Variants in ACTR3C observed in about 807,000 individuals in gnomAD.
The protein encoded by ACTR3C is actin related protein 3C, also known as actin-related protein 3C.
A neutral mutation model predicts 26.3 loss-of-function variants in ACTR3C; 18 were observed. That is an observed-to-expected ratio of 0.68 (90% CI 0.47 to 1.01). The LOEUF (loss-of-function observed/expected upper bound fraction) is 1.01. Among genes scored for constraint, ACTR3C ranks in the 50% least tolerant of loss-of-function variants. The probability of loss-of-function intolerance (pLI) is 0.00; values close to 1 mark genes in which losing one functional copy is unlikely to be tolerated. For missense variants in ACTR3C, 184 were observed against 250.7 expected (o/e 0.73, Z 1.80); for synonymous variants, 55 against 94.5 (o/e 0.58, Z 2.42).
At chr7:149,973,379 C>T in the ACTR3C span, among the ~76,000 whole-genome samples, 1 of 152,198 alleles carries the variant, frequency 6.6e-6, no homozygotes, top group Non-Finnish European at 1.5e-5. Flanking sequence ...TGAAATACCA[C>T]TTATTATTAC....
chr7:149,940,589 C>G, the ACTR3C span, among the ~76,000 whole-genome samples: 4 of 152,158 alleles, frequency 2.6e-5, no homozygotes, highest in African/African-American at 7.2e-5. Context: ...TTCAAAACTC[C>G]TGTTTAAAAA....
At chr7:149,923,946 G>A in the ACTR3C span, among the ~76,000 whole-genome samples, 29 of 150,610 alleles carry the variant, frequency 1.9e-4, no homozygotes, top group African/African-American at 5.9e-4. Context: ...GCAGTGAGTC[G>A]ACATCACGCC....
chr7:150,147,721 G>C, the ACTR3C span, among the ~76,000 whole-genome samples: 2 of 152,150 alleles, frequency 1.3e-5, no homozygotes, highest in Non-Finnish European at 2.9e-5. Context: ...GTGTGTGCCA[G>C]GCAAACTTGG....
chr7:150,092,685 C>G, the ACTR3C span, among the ~76,000 whole-genome samples: 2 of 150,532 alleles, frequency 1.3e-5, no homozygotes, highest in African/African-American at 5.0e-5. Context: ...CGGGAGGACA[C>G]TGCCCACACT....
the ACTR3C span, among the ~76,000 whole-genome samples, chr7:149,904,639 A>G: frequency 2.2e-5 from 3 of 139,166 alleles, no homozygotes; most frequent in Non-Finnish European, 4.9e-5. Context: ...CAAGGATAGG[A>G]ATACTCAATT....
At chr7:150,194,819 C>T in the ACTR3C span, among the ~76,000 whole-genome samples, 64 of 152,174 alleles carry the variant, frequency 4.2e-4, no homozygotes, top group African/African-American at 1.4e-3. Context: ...CCCAGCGGGA[C>T]GTGGTGCCTC....
At chr7:150,117,205 G>C in the ACTR3C span, among the ~76,000 whole-genome samples, 1 of 152,186 alleles carries the variant, frequency 6.6e-6, no homozygotes, top group East Asian at 1.9e-4. Flanking sequence ...TCATACCCCA[G>C]TGCTTCCTGG....
chr7:149,927,931 C>G, the ACTR3C span, among the ~76,000 whole-genome samples: 57 of 152,126 alleles, frequency 3.7e-4, no homozygotes, highest in African/African-American at 1.4e-3. Context: ...TATTCTGTTA[C>G]AGCAACACAA....
At chr7:150,021,861 A>G in the ACTR3C span, among the ~76,000 whole-genome samples, 1 of 150,532 alleles carries the variant, frequency 6.6e-6, no homozygotes, top group African/African-American at 2.5e-5. Context: ...TTCTTTCTCT[A>G]CTCCTTGGTT....
chr7:150,006,709 C>G, the ACTR3C span, among the ~76,000 whole-genome samples: 3 of 151,828 alleles, frequency 2.0e-5, no homozygotes, highest in African/African-American at 7.3e-5. Context: ...GCAAGTCCAG[C>G]CTCTGCAGGC....
At chr7:150,252,552 C>T (rs987071544) in intron 6 of ACTR3C, among the ~76,000 whole-genome samples, 8 of 152,044 alleles carry the variant, frequency 5.3e-5, no homozygotes, top group Middle Eastern at 3.4e-3. Flanking sequence ...AGAGACATTA[C>T]GGAAAGTAAA....
At chr7:150,022,313 A>T in the ACTR3C span, among the ~76,000 whole-genome samples, 1 of 149,798 alleles carries the variant, frequency 6.7e-6, no homozygotes, top group Admixed American at 6.7e-5. Flanking sequence ...TTTTGATGGG[A>T]TTATTTGTTT....
At chr7:150,047,879 T>C in the ACTR3C span, 14 of 1,448,182 alleles carry the variant, frequency 9.7e-6, no homozygotes, top group Non-Finnish European at 1.2e-5. Context: ...CTGCTGGCTG[T>C]CTTTAGGGCT....
chr7:150,068,402 G>T, the ACTR3C span, among the ~76,000 whole-genome samples: 74 of 152,208 alleles, frequency 4.9e-4, no homozygotes, highest in African/African-American at 1.6e-3. Context: ...CACCTGCAAC[G>T]TCCTTGTCCC....
the ACTR3C span, among the ~76,000 whole-genome samples, chr7:150,035,488 G>T: frequency 1.6e-5 from 2 of 122,622 alleles, no homozygotes; most frequent in African/African-American, 3.1e-5. Flanking sequence ...AACAGCCAGG[G>T]GCGGAAGAGG....
chr7:149,897,888 T>A, the ACTR3C span, among the ~76,000 whole-genome samples: 4 of 151,416 alleles, frequency 2.6e-5, no homozygotes, highest in African/African-American at 9.7e-5. Context: ...AAAAAAAAAA[T>A]AAAAAAGAGT....
the ACTR3C span, among the ~76,000 whole-genome samples, chr7:150,017,018 TTGGATGC>T: frequency 1.3e-5 from 2 of 152,178 alleles, no homozygotes; most frequent in African/African-American, 2.4e-5. Flanking sequence ...CACCTAGATC[TTGGATGC>T]TGATTAAGTA....
rs555919463 is a variant in ACTR3C, at chr7:150,323,168, G to A, written c.-52+301C>T. On this transcript the variant is annotated intron_variant, in intron 1 of 7. Coordinates refer to ENST00000683684, the MANE Select transcript of ACTR3C (RefSeq NM_001164458.2). ...TGACCTCACGGCCCCTTCGCTTCCG[G>A]CCGCACCGCCTCGCTGCCCACGCCT... 52 of 213,742 alleles carry A rather than the reference G, an allele frequency of 2.4e-4. No individual in the cohort carries two copies. In the East Asian group the frequency reaches 9.2e-3, roughly 38 times the overall value. The allele number at this position is 213,742 out of a possible 1,614,324, so 13.2% of individuals were successfully genotyped here.
the ACTR3C span, among the ~76,000 whole-genome samples, chr7:150,119,472 C>A: frequency 2.0e-5 from 3 of 152,028 alleles, no homozygotes; most frequent in Non-Finnish European, 4.4e-5. Flanking sequence ...CAATAAAAGT[C>A]AAAAATGACA....
Sources: allele counts gnomAD v4.1 joint callset (sites outside exome capture counted in the v4.1 genomes callset), GRCh38; gene constraint gnomAD v4.1.1; transcripts MANE v1.5; gene names NCBI Gene and HGNC (gene_info 2026-07-23, HGNC 2026-07-21).